INVS: variants seen among roughly 807,000 people sequenced by gnomAD.
The protein encoded by INVS is inversion of embryo turning homolog.
Under a neutral mutation model 108.8 loss-of-function variants are expected in INVS, and 86 were observed. The ratio of observed to expected loss-of-function variants is 0.79; its 90% CI spans 0.66 to 0.95. The LOEUF (loss-of-function observed/expected upper bound fraction) is 0.95. INVS is among the 40% of genes least tolerant of loss of function. INVS has a pLI of 0.00. For missense variants in INVS, 1,169 were observed against 1,297.4 expected (o/e 0.90, Z 1.52); for synonymous variants, 455 against 473.5 (o/e 0.96, Z 0.51).
At chr9:100,222,416 T>C (rs966927796) in intron 3 of INVS, among the ~76,000 whole-genome samples, 4 of 152,212 alleles carry the variant, frequency 2.6e-5, no homozygotes, top group Admixed American at 6.5e-5. Context: ...GAAACAAAGA[T>C]GAAATTATGT....
At chr9:100,227,768 C>A (rs1831378542) in intron 4 of INVS, among the ~76,000 whole-genome samples, 1 of 151,484 alleles carries the variant, frequency 6.6e-6, no homozygotes, top group African/African-American at 2.4e-5. Context: ...TAACCTTACA[C>A]AAAAATTACT....
In INVS at chr9:100,126,413, A is replaced by G. The variant is rs1827885639; in HGVS notation, c.137A>G (p.Gln46Arg). ...GNSALKDKED[Q>R]FGRTPLMYCV... ...TCTGCTCTTAAAGACAAAGAAGATCAGTTTGGGAGAACACCACTTATGTAT... is the reference window on the plus strand; with the variant it reads ...TCTGCTCTTAAAGACAAAGAAGATCGGTTTGGGAGAACACCACTTATGTAT... Residue 46 changes from glutamine (Q) to arginine (R), a missense_variant, in exon 3 of 17, where the codon CAG becomes CGG. By Grantham distance (43) the Gln-to-Arg change is conservative. This residue lies in a region of INVS where 365 missense variants were observed against 397.5 expected (regional missense o/e 0.92). Coordinates refer to ENST00000262457, the MANE Select transcript of INVS (RefSeq NM_014425.5). The G allele has an allele frequency of 6.2e-7, 1 of 1,614,008 alleles. No homozygotes were observed. The highest frequency in any genetic ancestry group is 1.7e-5 in the Admixed American group (1 of 60,008).
chr9:100,138,664 G>C (rs1027969515), intron 3 of INVS, among the ~76,000 whole-genome samples: 1 of 146,920 alleles, frequency 6.8e-6, no homozygotes, highest in African/African-American at 2.5e-5. Context: ...TATTGATTTC[G>C]ACTTTTGTTT....
intron 3 of INVS, among the ~76,000 whole-genome samples, chr9:100,140,653 G>A (rs968563427): frequency 1.3e-5 from 2 of 152,106 alleles, no homozygotes; most frequent in Non-Finnish European, 2.9e-5. Context: ...TTGGGACAGC[G>A]AAAATTTTGG....
intron 3 of INVS, among the ~76,000 whole-genome samples, chr9:100,179,817 C>T (rs1043586993): frequency 6.6e-6 from 1 of 152,194 alleles, no homozygotes. Flanking sequence ...CAGAACTCTC[C>T]ACCCCATATC....
intron 8 of INVS, among the ~76,000 whole-genome samples, chr9:100,248,928 T>C (rs753122023): frequency 1.3e-5 from 2 of 152,068 alleles, no homozygotes; most frequent in African/African-American, 2.4e-5. Context: ...AATAATAAGA[T>C]GGGATCTCAC....
chr9:100,124,908 A>G (rs753499324), intron 2 of INVS, among the ~76,000 whole-genome samples: 1 of 152,232 alleles, frequency 6.6e-6, no homozygotes, highest in Non-Finnish European at 1.5e-5. Context: ...GTTTAGAATG[A>G]ACATTCTCTT....
At chr9:100,125,033 A>G (rs560021258) in intron 2 of INVS, among the ~76,000 whole-genome samples, 38 of 152,356 alleles carry the variant, frequency 2.5e-4, no homozygotes, top group African/African-American at 8.4e-4. Context: ...TGATCTAACT[A>G]TAGTTCAATT....
At chr9:100,242,060 A>G (rs1831891818) in intron 6 of INVS, among the ~76,000 whole-genome samples, 1 of 152,182 alleles carries the variant, frequency 6.6e-6, no homozygotes, top group African/African-American at 2.4e-5. Flanking sequence ...AAATATAAAT[A>G]TAATAAAAGA....
At chr9:100,145,828 C>G (rs978538597) in intron 3 of INVS, among the ~76,000 whole-genome samples, 5 of 152,084 alleles carry the variant, frequency 3.3e-5, no homozygotes, top group African/African-American at 1.2e-4. Flanking sequence ...TAAAACGCGT[C>G]TCCTGTCTCT....
At chr9:100,264,447 G>A (rs1308138429) in intron 10 of INVS, among the ~76,000 whole-genome samples, 1 of 151,882 alleles carries the variant, frequency 6.6e-6, no homozygotes, top group Non-Finnish European at 1.5e-5. Context: ...ACAAAACCCT[G>A]TCTCTACTAA....
chr9:100,158,841 T>A (rs1236106002), intron 3 of INVS, among the ~76,000 whole-genome samples: 3 of 152,208 alleles, frequency 2.0e-5, no homozygotes, highest in African/African-American at 7.2e-5. Flanking sequence ...ATGAATGGCT[T>A]GGTGCCAGAG....
chr9:100,291,477 G>C (rs1428775579), intron 13 of INVS, among the ~76,000 whole-genome samples: 8 of 152,286 alleles, frequency 5.3e-5, no homozygotes, highest in South Asian at 2.1e-4. Context: ...ATCTGATCTT[G>C]CTATTGTGTT....
chr9:100,300,470 G>T, intron 16 of INVS, 98 bp from the exon 17 acceptor site: 1 of 820,102 alleles, frequency 1.2e-6, no homozygotes, highest in Non-Finnish European at 2.1e-6. Context: ...CCCAGGGATA[G>T]CCTAAACCGA....
chr9:100,228,951 A>G (rs1423507527), intron 4 of INVS, among the ~76,000 whole-genome samples: 1 of 152,212 alleles, frequency 6.6e-6, no homozygotes, highest in South Asian at 2.1e-4. Context: ...TTCTGTTCAT[A>G]TCTTCTACCC....
At chr9:100,233,703 C>G (rs535585780) in intron 5 of INVS, among the ~76,000 whole-genome samples, 88 of 152,180 alleles carry the variant, frequency 5.8e-4, no homozygotes, top group Non-Finnish European at 8.5e-4. Context: ...ATCAGCCTTG[C>G]ATCCCAGGGA....
chr9:100,136,269 G>A (rs753064182), intron 3 of INVS, among the ~76,000 whole-genome samples: 1 of 152,064 alleles, frequency 6.6e-6, no homozygotes, highest in Non-Finnish European at 1.5e-5. Context: ...AAGTATGGAC[G>A]GAAGAAATTG....
intron 3 of INVS, among the ~76,000 whole-genome samples, chr9:100,138,019 T>C (rs1466409000): frequency 1.3e-5 from 2 of 152,218 alleles, no homozygotes; most frequent in Non-Finnish European, 2.9e-5. Context: ...ATAATATATG[T>C]GTATAAAGTG....
chr9:100,230,511 C>T (rs2118433894), intron 5 of INVS, among the ~76,000 whole-genome samples: 1 of 151,902 alleles, frequency 6.6e-6, no homozygotes, highest in South Asian at 2.1e-4. Context: ...CAACCTTATG[C>T]TGTTTATTTT....
Sources: allele counts gnomAD v4.1 joint callset (sites outside exome capture counted in the v4.1 genomes callset), GRCh38; gene constraint gnomAD v4.1.1; regional missense constraint gnomAD v4.1.1; transcripts MANE v1.5; gene names NCBI Gene and HGNC (gene_info 2026-07-23, HGNC 2026-07-21).